The following RGPD3 variants were observed in gnomAD, a reference collection of about 807,000 sequenced individuals.
The protein encoded by RGPD3 is RANBP2 like and GRIP domain containing 3.
RGPD3 carries 62 observed loss-of-function variants against 154.5 expected under a neutral mutation model. The observed-to-expected ratio is 0.40, with a 90% CI of 0.33 to 0.50. The LOEUF is 0.50. Ranked by LOEUF, RGPD3 falls within the 20% of genes least tolerant of loss-of-function variation. The pLI is 0.59. For synonymous variants in RGPD3, 308 were observed against 607.0 expected (o/e 0.51, Z 7.24); for missense variants, 919 against 1,716.8 (o/e 0.54, Z 8.21).
At chr2:106,466,938 C>T (rs1344954761) in intron 1 of RGPD3, among the ~76,000 whole-genome samples, 4 of 114,362 alleles carry the variant, frequency 3.5e-5, no homozygotes, top group African/African-American at 8.7e-5. Flanking sequence ...CAGCGCCCGT[C>T]GGGAGCCATG....
intron 6 of RGPD3, among the ~76,000 whole-genome samples, chr2:106,451,092 A>AC (rs1475726025): frequency 1.4e-5 from 2 of 143,812 alleles, no homozygotes; most frequent in Non-Finnish European, 3.0e-5. Context: ...CCTCTCAAAA[A>AC]AAAAAAAACA....
rs1651853827 is a variant in RGPD3, at chr2:106,424,166, T to C, written c.3801A>G (p.Ser1267=). 1.2e-6 allele frequency: 2 copies of C among 1,611,702 alleles called. No individual in the cohort carries two copies. Among genetic ancestry groups the C allele is most frequent in the Non-Finnish European group, 1.7e-6 (2 of 1,179,796 alleles). Residue 1267 remains serine (S), a synonymous_variant, in exon 20 of 23, where the codon TCA becomes TCG. Transcript: ENST00000409886. ...DALDDSVSSS[S]VHASPLASSP... ...TACTTGCCAATGGAGAAGCATGTAC[T>C]GAGCTACTACTGACACTATCATCCA...
chr2:106,448,639 C>CA (rs1282877025), intron 6 of RGPD3, among the ~76,000 whole-genome samples: 6 of 150,034 alleles, frequency 4.0e-5, no homozygotes, highest in South Asian at 2.1e-4. Context: ...ACAATAATAC[C>CA]AAAAAAATTT....
In RGPD3 at chr2:106,417,360, T is replaced by A. The variant is rs1277039034; in HGVS notation, c.4925-1371A>T. Reference sequence around the variant, plus strand: ...ACCCTAATGCAAACAGGTAGTGGAATATTGAAAGAAATTTTATTGGAGCAG... The same window carrying A: ...ACCCTAATGCAAACAGGTAGTGGAAAATTGAAAGAAATTTTATTGGAGCAG... On this transcript the variant is annotated intron_variant, in intron 20 of 22. Transcript: ENST00000409886. Among the ~76,000 whole-genome samples the A allele has an allele frequency of 2.1e-5, 3 of 142,378 alleles. No homozygotes were observed. The East Asian group carries it at 6.1e-4, about 29-fold the overall frequency. The allele number at this position is 142,378 out of a possible 152,430, so 93.4% of individuals were successfully genotyped here. A position where few individuals can be genotyped will look rare whatever the true frequency, so the allele number is the denominator to read the frequency against.
chr2:106,421,798 A>T lies in RGPD3; in HGVS notation c.4924+1245T>A, dbSNP rs1676998211. Among the ~76,000 whole-genome samples the T allele has an allele frequency of 2.0e-5, 3 of 151,160 alleles. No individual in the cohort carries two copies. In the South Asian group the frequency reaches 6.3e-4, roughly 32 times the overall value. ...GGCAGACGTTAGTGGCTAAAGATAA[A>T]CATTAGATAAAACATAGGTCTTCAT... On this transcript the variant is annotated intron_variant, in intron 20 of 22. Coordinates refer to ENST00000409886, the MANE Select transcript of RGPD3 (RefSeq NM_001144013.2).
intron 21 of RGPD3, among the ~76,000 whole-genome samples, chr2:106,415,338 T>C (rs1273082074): frequency 6.6e-6 from 1 of 151,700 alleles, no homozygotes; most frequent in Non-Finnish European, 1.5e-5. Flanking sequence ...TACGGTTTCT[T>C]AGGAAAAGTA....
At chr2:106,437,963 G>A (rs371065145) in intron 9 of RGPD3, among the ~76,000 whole-genome samples, 346 of 152,300 alleles carry the variant, frequency 2.3e-3, no homozygotes, top group African/African-American at 8.0e-3. Context: ...ACGAAGTCTC[G>A]CTCTGTCGCC....
At chr2:106,409,201 TC>T (rs1676598312) in intron 22 of RGPD3, among the ~76,000 whole-genome samples, 1 of 152,256 alleles carries the variant, frequency 6.6e-6, no homozygotes, top group South Asian at 2.1e-4. Flanking sequence ...AGAGTGGCTC[TC>T]AGACCTTTCT....
chr2:106,442,496 T>C lies in RGPD3; in HGVS notation c.979-1116A>G, dbSNP rs1477253032. On this transcript the variant is annotated intron_variant, in intron 7 of 22. Coordinates refer to ENST00000409886, the MANE Select transcript of RGPD3 (RefSeq NM_001144013.2). ...AAAGAGATCCTAATGCAATAACCTA[T>C]GAAAAAAAAAAAAAAAGCATGATGA... is the stretch of plus-strand genomic sequence containing the variant. Among the ~76,000 whole-genome samples, 8 of 82,366 alleles carry C rather than the reference T, an allele frequency of 9.7e-5. No homozygotes were observed. In the Admixed American group the frequency reaches 9.9e-4, roughly 10 times the overall value. The allele number at this position is 82,366 out of a possible 152,430, so 54.0% of individuals were successfully genotyped here. A position where few individuals can be genotyped will look rare whatever the true frequency, so the allele number is the denominator to read the frequency against.
intron 18 of RGPD3, among the ~76,000 whole-genome samples, chr2:106,428,619 A>T (rs2104465500): frequency 1.3e-5 from 2 of 151,946 alleles, no homozygotes; most frequent in East Asian, 3.9e-4. Flanking sequence ...CCTTAACTAT[A>T]TGAACCATCA....
chr2:106,405,109 T>G lies in RGPD3; in HGVS notation c.*110A>C. On this transcript the variant is annotated 3_prime_UTR_variant, in exon 23 of 23. Transcript: ENST00000409886. The stretch of plus-strand genomic sequence containing the variant: ...GAATGATGGTAATACACATGAACCA[T>G]TTTTGTAAATAGATTTTATTTGGTT... The G allele has an allele frequency of 1.3e-6, 2 of 1,515,968 alleles. No homozygotes were observed. Among genetic ancestry groups the G allele is most frequent in the Non-Finnish European group, 9.0e-7 (1 of 1,107,416 alleles). 93.9% of individuals were successfully genotyped at this position (1,515,968 alleles called of 1,614,324 possible).
chr2:106,436,458 T>C lies in RGPD3; in HGVS notation c.1590A>G (p.Lys530=). ...VCKQLCTERQ[K]SWWDAVCTLI... ...GAGTACAAACCGCATCCCACCAAGA[T>C]TTTTGTCTTTCTGTACAAAGCTGTT... The change falls in exon 11 of 23, where the codon AAA becomes AAG. Residue 530 remains lysine, a synonymous_variant. Transcript: ENST00000409886. 1.9e-6 allele frequency: 3 copies of C among 1,609,236 alleles called. No individual in the cohort carries two copies. The South Asian group carries it at 3.3e-5, about 18-fold the overall frequency.
At chr2:106,432,313 C>T (rs1433868290) in intron 17 of RGPD3, among the ~76,000 whole-genome samples, 1 of 148,200 alleles carries the variant, frequency 6.7e-6, no homozygotes, top group East Asian at 2.0e-4. Flanking sequence ...ATTAGCTGGG[C>T]CTGGTGGCGG....
upstream of RGPD3, chr2:106,470,728 G>A: frequency 6.9e-7 from 1 of 1,451,768 alleles, no homozygotes; most frequent in Non-Finnish European, 9.4e-7. Flanking sequence ...AGTTAACCAT[G>A]GAAAGAACTA....
At chr2:106,411,452 G>GCTATAGCATAAATGACCA (rs1341890329) in intron 22 of RGPD3, among the ~76,000 whole-genome samples, 3 of 143,338 alleles carry the variant, frequency 2.1e-5, no homozygotes, top group Non-Finnish European at 4.5e-5. Context: ...ATATAGAACT[G>GCTATAGCATAAATGACCA]CTATAGCATA....
chr2:106,469,536 C>G (rs13387713), upstream of RGPD3, among the ~76,000 whole-genome samples: 413 of 152,292 alleles, frequency 2.7e-3, 4 homozygotes, highest in African/African-American at 9.3e-3. Context: ...ATAGCACTAA[C>G]CTTCCCTTTG....
chr2:106,405,398 C>T (rs1434153760), intron 22 of RGPD3, among the ~76,000 whole-genome samples, 169 bp from the exon 23 acceptor site: 2 of 121,904 alleles, frequency 1.6e-5, no homozygotes, highest in Admixed American at 9.8e-5. Flanking sequence ...TTTTTTGAGA[C>T]AGGGTCTTGC....
In RGPD3 at chr2:106,423,832, T is replaced by C; in HGVS notation, c.4135A>G (p.Ile1379Val). 1.2e-6 allele frequency: 2 copies of C among 1,612,020 alleles called. No homozygotes were observed. The highest frequency in any genetic ancestry group is 1.7e-6 in the Non-Finnish European group (2 of 1,179,866). The stretch of plus-strand genomic sequence containing the variant: ...TTCTGTAAAATCTTTATATCACCAA[T>C]GCCCCTTTCTTTCCATTGACCAACA... ...KDVGQWKERG[I>V]GDIKILQNYD... The change falls in exon 20 of 23, where the codon ATT (isoleucine) becomes GTT (valine). Residue 1379 changes from isoleucine (I) to valine (V), a missense_variant. Transcript: ENST00000409886.
At chr2:106,421,917 C>A (rs1677002435) in intron 20 of RGPD3, among the ~76,000 whole-genome samples, 1 of 151,334 alleles carries the variant, frequency 6.6e-6, no homozygotes, top group Admixed American at 6.6e-5. Flanking sequence ...GTCATGCCAC[C>A]AGTCAAAAGG....
Sources: allele counts gnomAD v4.1 joint callset (sites outside exome capture counted in the v4.1 genomes callset), GRCh38; gene constraint gnomAD v4.1.1; transcripts MANE v1.5; gene names NCBI Gene and HGNC (gene_info 2026-07-23, HGNC 2026-07-21).